Variants in GRIK4 observed in about 807,000 individuals in gnomAD.
GRIK4 encodes glutamate receptor ionotropic, kainate 4.
Under a neutral mutation model 104.9 loss-of-function variants are expected in GRIK4, and 40 were observed. That is an observed-to-expected ratio of 0.38 (90% CI 0.30 to 0.50). The LOEUF is 0.50. Among genes scored for constraint, GRIK4 ranks in the 20% least tolerant of loss-of-function variants. The pLI is 0.93. For missense variants in GRIK4, 1,047 were observed against 1,308.1 expected, an observed-to-expected ratio of 0.80 and a Z score of 3.08; for synonymous variants, 485 against 524.9, an observed-to-expected ratio of 0.92 and a Z score of 1.04.
At chr11:120,679,833 A>T (rs1950161567) in intron 3 of GRIK4, among the ~76,000 whole-genome samples, 1 of 152,166 alleles carries the variant, frequency 6.6e-6, no homozygotes, top group African/African-American at 2.4e-5. Flanking sequence ...GCTGCAGATG[A>T]TCCAGGTGGC....
At chr11:120,734,028 G>A (rs1024612111) in intron 3 of GRIK4, among the ~76,000 whole-genome samples, 26 of 152,224 alleles carry the variant, frequency 1.7e-4, no homozygotes, top group African/African-American at 5.3e-4. Context: ...GAGCCACTGC[G>A]CCTGGCCCAT....
intron 1 of GRIK4, among the ~76,000 whole-genome samples, chr11:120,652,345 G>T (rs78508983): frequency 1.3e-5 from 2 of 152,164 alleles, no homozygotes; most frequent in Non-Finnish European, 2.9e-5. Flanking sequence ...GAGCACCCAG[G>T]TTCCTGATTC....
intron 5 of GRIK4, among the ~76,000 whole-genome samples, chr11:120,816,663 G>A (rs944379692): frequency 2.6e-5 from 4 of 152,170 alleles, no homozygotes; most frequent in Admixed American, 2.0e-4. Flanking sequence ...TATGATCCAG[G>A]GCTCAGTGAG....
chr11:120,930,438 G>A (rs1943460137), intron 13 of GRIK4, among the ~76,000 whole-genome samples: 1 of 152,192 alleles, frequency 6.6e-6, no homozygotes, highest in African/African-American at 2.4e-5. Context: ...TCCCATAGAA[G>A]CTCCATGGAG....
chr11:120,605,894 TGGTG>T (rs1948953775), intron 1 of GRIK4, among the ~76,000 whole-genome samples: 1 of 152,200 alleles, frequency 6.6e-6, no homozygotes, highest in Admixed American at 6.5e-5. Flanking sequence ...TCAATGAGGC[TGGTG>T]GGCAGCAGGG....
chr11:120,856,219 C>G (rs2135613855), intron 8 of GRIK4, among the ~76,000 whole-genome samples: 1 of 152,334 alleles, frequency 6.6e-6, no homozygotes, highest in East Asian at 1.9e-4. Flanking sequence ...AATCAGCCAG[C>G]CAGTATGTGG....
At chr11:120,512,879 G>C (rs1448854734) in intron 1 of GRIK4, among the ~76,000 whole-genome samples, 1 of 152,156 alleles carries the variant, frequency 6.6e-6, no homozygotes, top group Non-Finnish European at 1.5e-5. Context: ...TGGAGGAGGC[G>C]GCCGAGGGGG....
At position 120,522,451 on chromosome 11, in the gene GRIK4, A is replaced by C. The variant is rs562231843; in HGVS notation, c.-159+10564A>C. ...ATTCTCCTGCCTCAGCCTCCTGAGT[A>C]GCTGGGTCTACAGGTGTGTACCACC... On this transcript the variant is annotated intron_variant, in intron 1 of 20. Coordinates refer to ENST00000527524, the MANE Select transcript of GRIK4 (RefSeq NM_014619.5). 9.5e-4 allele frequency among the ~76,000 whole-genome samples: 145 copies of C among 152,208 alleles called. 1 individual carries two copies. Among genetic ancestry groups the C allele is most frequent in the African/African-American group, 3.3e-3 (137 of 41,518 alleles).
rs117894239 is a variant in GRIK4 at position 120,802,651 on chromosome 11, C to T, written c.83-42C>T. 5,577 of 1,549,064 alleles carry T rather than the reference C, an allele frequency of 3.6e-3. 110 individuals carry two copies. The South Asian group carries it at 0.04, about 11-fold the overall frequency. On this transcript the variant is annotated intron_variant, in intron 3 of 20. Coordinates refer to ENST00000527524, the MANE Select transcript of GRIK4 (RefSeq NM_014619.5). ...TGGAGAAGGAGGAGGGTAACAGTAGCGGTGGAGTACCAATTGTCTCCATGT... is the reference window on the plus strand; with the variant it reads ...TGGAGAAGGAGGAGGGTAACAGTAGTGGTGGAGTACCAATTGTCTCCATGT...
intron 1 of GRIK4, among the ~76,000 whole-genome samples, chr11:120,574,060 A>C (rs1011083642): frequency 3.3e-5 from 5 of 152,332 alleles, no homozygotes; most frequent in African/African-American, 1.2e-4. Flanking sequence ...ACTCAGGGAT[A>C]GAGTGCACCC....
chr11:120,791,174 A>C (rs1424276520), intron 3 of GRIK4, among the ~76,000 whole-genome samples: 4 of 152,132 alleles, frequency 2.6e-5, no homozygotes, highest in Non-Finnish European at 5.9e-5. Context: ...GGACACTTAC[A>C]TAGTGTCTAG....
intron 3 of GRIK4, among the ~76,000 whole-genome samples, chr11:120,790,465 T>G (rs1952372165): frequency 6.6e-6 from 1 of 152,030 alleles, no homozygotes. Flanking sequence ...TAGGTAGGAT[T>G]TGGACATGGG....
intron 1 of GRIK4, among the ~76,000 whole-genome samples, chr11:120,581,731 G>T (rs1948583334): frequency 6.6e-6 from 1 of 151,614 alleles, no homozygotes; most frequent in Non-Finnish European, 1.5e-5. Flanking sequence ...TGTAACATGT[G>T]TCAGAATTTC....
At chr11:120,540,596 A>G (rs1387610962) in intron 1 of GRIK4, among the ~76,000 whole-genome samples, 1 of 152,190 alleles carries the variant, frequency 6.6e-6, no homozygotes, top group Non-Finnish European at 1.5e-5. Flanking sequence ...TCTAGGCAAC[A>G]GAGTGAGACT....
intron 1 of GRIK4, among the ~76,000 whole-genome samples, chr11:120,544,601 G>A (rs1948067487): frequency 6.6e-6 from 1 of 152,220 alleles, no homozygotes; most frequent in African/African-American, 2.4e-5. Flanking sequence ...AAAGTGCTGG[G>A]ATTACAGGCT....
At chr11:120,586,193 G>A (rs1565561736) in intron 1 of GRIK4, among the ~76,000 whole-genome samples, 1 of 152,190 alleles carries the variant, frequency 6.6e-6, no homozygotes, top group Non-Finnish European at 1.5e-5. Flanking sequence ...GTAGGGAAGA[G>A]CCTTAGGGGA....
chr11:120,884,351 G>A (rs1592036153), intron 11 of GRIK4, among the ~76,000 whole-genome samples: 3 of 152,308 alleles, frequency 2.0e-5, no homozygotes, highest in South Asian at 2.1e-4. Context: ...ATCTTTGTGT[G>A]CCGTATTCCC....
At chr11:120,551,316 C>T (rs1948137468) in intron 1 of GRIK4, among the ~76,000 whole-genome samples, 1 of 152,212 alleles carries the variant, frequency 6.6e-6, no homozygotes, top group South Asian at 2.1e-4. Context: ...CCGCTTTTCA[C>T]CTGCCCAAGG....
intron 3 of GRIK4, among the ~76,000 whole-genome samples, chr11:120,767,882 C>G (rs1951867243): frequency 6.6e-6 from 1 of 152,088 alleles, no homozygotes; most frequent in Non-Finnish European, 1.5e-5. Context: ...TTTCTGGGTT[C>G]TCCATTCTGG....
Sources: allele counts gnomAD v4.1 joint callset (sites outside exome capture counted in the v4.1 genomes callset), GRCh38; gene constraint gnomAD v4.1.1; transcripts MANE v1.5; gene names NCBI Gene and HGNC (gene_info 2026-07-23, HGNC 2026-07-21).